The following ZNF510 variants were observed in gnomAD, a reference collection of about 807,000 sequenced individuals.
ZNF510 encodes zinc finger protein 510.
ZNF510 carries 15 observed loss-of-function variants against 18.1 expected under a neutral mutation model. That is an observed-to-expected ratio of 0.83 (90% CI 0.55 to 1.28). The LOEUF (loss-of-function observed/expected upper bound fraction) is 1.28. ZNF510 is among the 50% of genes most tolerant of loss of function. ZNF510 has a pLI of 0.00. For missense variants in ZNF510, 724 were observed against 791.8 expected (o/e 0.91, Z 1.03); for synonymous variants, 261 against 266.4 (o/e 0.98, Z 0.20).
Position 96,763,617 on chromosome 9 carries a change from T to G in ZNF510, c.145A>C (p.Lys49Gln). 3.1e-6 allele frequency: 5 copies of G among 1,611,680 alleles called. No homozygotes were observed. Among genetic ancestry groups the G allele is most frequent in the Non-Finnish European group, 3.4e-6 (4 of 1,178,898 alleles). ...MNISQASVSF[K>Q]DVTIEFTQEE... is the part of the protein sequence containing the mutation. ...TGGGTGAATTCTATAGTCACGTCCT[T>G]GAATGACACTGATGCCTGTAACAGT... The change falls in exon 4 of 6, where the codon AAG becomes CAG. Residue 49 changes from lysine to glutamine, a missense_variant. Coordinates refer to ENST00000223428, the MANE Select transcript of ZNF510 (RefSeq NM_014930.3).
chr9:96,763,481 G>C, intron 4 of ZNF510, 25 bp downstream of exon 4: 1 of 1,581,932 alleles, frequency 6.3e-7, no homozygotes, highest in South Asian at 1.2e-5. Flanking sequence ...GGAGTTACAA[G>C]GGTAAGTTAT....
intron 3 of ZNF510, among the ~76,000 whole-genome samples, chr9:96,766,140 T>C (rs560790037): frequency 6.6e-6 from 1 of 152,202 alleles, no homozygotes; most frequent in Non-Finnish European, 1.5e-5. Context: ...TTTTGGAACA[T>C]TACTACTGAG....
intron 2 of ZNF510, 108 bp downstream of exon 2, chr9:96,775,892 G>T: frequency 7.0e-7 from 1 of 1,423,758 alleles, no homozygotes; most frequent in Non-Finnish European, 9.5e-7. Context: ...AATTTCCTCA[G>T]CCCTGGCTGG....
In ZNF510 at chr9:96,758,671, A is replaced by G; in HGVS notation, c.*107T>C. 1 of 1,136,028 alleles carries G rather than the reference A, an allele frequency of 8.8e-7. No homozygotes were observed. Among genetic ancestry groups the G allele is most frequent in the Non-Finnish European group, 1.2e-6 (1 of 813,628 alleles). The allele number at this position is 1,136,028 out of a possible 1,614,324, so 70.4% of individuals were successfully genotyped here. A position where few individuals can be genotyped will look rare whatever the true frequency, so the allele number is the denominator to read the frequency against. On this transcript the variant is annotated 3_prime_UTR_variant, in exon 6 of 6. Coordinates refer to ENST00000223428, the MANE Select transcript of ZNF510 (RefSeq NM_014930.3). ...ATTCTCTGATTCACAGTGAGGGTTT[A>G]CTTCTGGGACTGTCTTCTTACATTC...
At position 96,757,155 on chromosome 9, in the gene ZNF510, T is replaced by G. The variant is rs1474534991; in HGVS notation, c.*1623A>C. 6.6e-6 allele frequency: 1 copy of G among 152,184 alleles called. No homozygotes were observed. The highest frequency in any genetic ancestry group is 1.5e-5 in the Non-Finnish European group (1 of 68,046). The allele number at this position is 152,184 out of a possible 1,614,324, so 9.4% of individuals were successfully genotyped here. On this transcript the variant is annotated 3_prime_UTR_variant, in exon 6 of 6. Transcript: ENST00000223428. ...CATGGATTCAATAAAGCCATATAAA[T>G]CTGAGTCCCTCCCCTCTCTGGAGGT...
rs961080023 is a variant in ZNF510, at chr9:96,757,665, C to T, written c.*1113G>A. 2.0e-5 allele frequency: 3 copies of T among 152,194 alleles called. No homozygotes were observed. The highest frequency in any genetic ancestry group is 6.5e-5 in the Admixed American group (1 of 15,280). The allele number at this position is 152,194 out of a possible 1,614,324, so 9.4% of individuals were successfully genotyped here. A position where few individuals can be genotyped will look rare whatever the true frequency, so the allele number is the denominator to read the frequency against. ...AATTCCAAGTTGATGTTTGAAACCA[C>T]GGGTATACTGAACCCTGTATATACT... On this transcript the variant is annotated 3_prime_UTR_variant, in exon 6 of 6. Coordinates refer to ENST00000223428, the MANE Select transcript of ZNF510 (RefSeq NM_014930.3).
chr9:96,763,025 A>G (rs1849389164), intron 5 of ZNF510, 93 bp downstream of exon 5: 2 of 995,102 alleles, frequency 2.0e-6, no homozygotes, highest in Non-Finnish European at 3.2e-6. Context: ...GCTTTCTAAG[A>G]AAAGTCTTGC....
chr9:96,757,205 C>T lies in ZNF510; in HGVS notation c.*1573G>A, dbSNP rs150231533. On this transcript the variant is annotated 3_prime_UTR_variant, in exon 6 of 6. Coordinates refer to ENST00000223428, the MANE Select transcript of ZNF510 (RefSeq NM_014930.3). ...TTTCCCATAATACTTGGGTGGGTGC[C>T]AATGGCCTTTGGAGCCAGGGAAAAC... The T allele has an allele frequency of 6.6e-6, 1 of 152,256 alleles. No individual in the cohort carries two copies. Among genetic ancestry groups the T allele is most frequent in the Non-Finnish European group, 1.5e-5 (1 of 68,032 alleles). 9.4% of individuals were successfully genotyped at this position (152,256 alleles called of 1,614,324 possible).
intron 3 of ZNF510, among the ~76,000 whole-genome samples, chr9:96,767,433 A>C (rs10217123): frequency 0.059 from 9,028 of 152,258 alleles, 883 homozygotes; most frequent in African/African-American, 0.2. Flanking sequence ...AATGCATGAG[A>C]TGCAGCTAAG....
In ZNF510 at chr9:96,759,821, C is replaced by A; in HGVS notation, c.1009G>T (p.Glu337Ter). The stretch of plus-strand genomic sequence containing the variant: ...AAATTATTTCCACTTGGATTTAATT[C>A]ATAATGTTTTATACCCATATTAAGT... The part of the protein sequence containing the change: ...NKLNMGIKHY[E>*]LNPSGNNFNR... The change falls in exon 6 of 6, where the codon GAA becomes TAA. Residue 337 changes from glutamate (E) to a stop codon, truncating the protein, a stop_gained. Transcript: ENST00000223428. LOFTEE classifies it low-confidence loss of function (END_TRUNC). 2.5e-6 allele frequency: 4 copies of A among 1,613,734 alleles called. No homozygotes were observed. Among genetic ancestry groups the A allele is most frequent in the Non-Finnish European group, 3.4e-6 (4 of 1,179,918 alleles).
chr9:96,764,021 C>T (rs573211514), intron 3 of ZNF510, among the ~76,000 whole-genome samples: 126 of 152,188 alleles, frequency 8.3e-4, no homozygotes, highest in Non-Finnish European at 1.6e-3. Flanking sequence ...TGCTTGAGCC[C>T]AGGTGGTTGA....
At chr9:96,763,050 CA>C in intron 5 of ZNF510, 67 bp downstream of exon 5, 1 of 1,279,054 alleles carries the variant, frequency 7.8e-7, no homozygotes, top group Non-Finnish European at 1.1e-6. Context: ...TTTAGGTGTT[CA>C]CCCCTAAAGT....
intron 3 of ZNF510, among the ~76,000 whole-genome samples, chr9:96,767,628 G>A (rs1235210058): frequency 6.6e-6 from 1 of 152,138 alleles, no homozygotes; most frequent in African/African-American, 2.4e-5. Context: ...TAACCAAGAT[G>A]AAGTGGACAA....
intron 1 of ZNF510, among the ~76,000 whole-genome samples, chr9:96,776,720 G>C (rs1048389699): frequency 4.6e-5 from 7 of 152,196 alleles, no homozygotes; most frequent in African/African-American, 1.7e-4. Flanking sequence ...GGGAGGTGGA[G>C]GTTGCAGTGA....
chr9:96,755,920 CT>C lies in ZNF510; in HGVS notation c.*2857del, dbSNP rs1430994671. 1 of 152,008 alleles carries C rather than the reference CT, an allele frequency of 6.6e-6. No homozygotes were observed. Among genetic ancestry groups the C allele is most frequent in the Non-Finnish European group, 1.5e-5 (1 of 67,984 alleles). The allele number at this position is 152,008 out of a possible 1,614,324, so 9.4% of individuals were successfully genotyped here. Reference sequence around the variant, plus strand: ...CATGGTACTGTAAAAGTACCATGTACTTTTACCATGTCACCCAGTGTCACAT... The same window carrying C: ...CATGGTACTGTAAAAGTACCATGTACTTTACCATGTCACCCAGTGTCACAT... On this transcript the variant is annotated 3_prime_UTR_variant, in exon 6 of 6. Transcript: ENST00000223428.
chr9:96,764,911 G>A (rs916419924), intron 3 of ZNF510, among the ~76,000 whole-genome samples: 2 of 151,966 alleles, frequency 1.3e-5, no homozygotes, highest in African/African-American at 4.8e-5. Context: ...TCAGGAGTTT[G>A]AGACCAGCCT....
rs1218780654 is a variant in ZNF510 at position 96,758,129 on chromosome 9, C to A, written c.*649G>T. ...AAGTGAAAATACAGATAAGGGGGGA[C>A]TACTGTATAAGCTTAAATTTTGCTC... On this transcript the variant is annotated 3_prime_UTR_variant, in exon 6 of 6. Transcript: ENST00000223428. 6.6e-6 allele frequency: 1 copy of A among 152,184 alleles called. No individual in the cohort carries two copies. The highest frequency in any genetic ancestry group is 2.4e-5 in the African/African-American group (1 of 41,438). The allele number at this position is 152,184 out of a possible 1,614,324, so 9.4% of individuals were successfully genotyped here.
rs187757384 is a variant in ZNF510 at position 96,757,825 on chromosome 9, T to C, written c.*953A>G. On this transcript the variant is annotated 3_prime_UTR_variant, in exon 6 of 6. Coordinates refer to ENST00000223428, the MANE Select transcript of ZNF510 (RefSeq NM_014930.3). ...GCTCTTGCAATTTCAGGCCATTATT[T>C]AGTAAAACAAGGGTTACTTGAATAC... 6.6e-6 allele frequency: 1 copy of C among 152,344 alleles called. No homozygotes were observed. The highest frequency in any genetic ancestry group is 2.4e-5 in the African/African-American group (1 of 41,578). 9.4% of individuals were successfully genotyped at this position (152,344 alleles called of 1,614,324 possible).
chr9:96,763,436 T>G, intron 4 of ZNF510, 70 bp downstream of exon 4: 1 of 1,508,192 alleles, frequency 6.6e-7, no homozygotes, highest in Non-Finnish European at 8.9e-7. Context: ...ATTGTTCACA[T>G]GTATTGGCAC....
Sources: allele counts gnomAD v4.1 joint callset (sites outside exome capture counted in the v4.1 genomes callset), GRCh38; gene constraint gnomAD v4.1.1; transcripts MANE v1.5; gene names NCBI Gene and HGNC (gene_info 2026-07-23, HGNC 2026-07-21).